The following IFNLR1 variants were observed in gnomAD, a reference collection of about 807,000 sequenced individuals.
IFNLR1 encodes the protein interferon lambda receptor 1, also known as CRF2-12.
In IFNLR1, 28 loss-of-function variants were observed where a neutral mutation model predicts 52.5. The ratio of observed to expected loss-of-function variants is 0.53; its 90% CI spans 0.40 to 0.73. The LOEUF is 0.73. IFNLR1 is among the 30% of genes least tolerant of loss of function. The pLI, the probability that IFNLR1 is intolerant of heterozygous loss-of-function variation, is 0.00. For missense variants in IFNLR1, 623 were observed against 659.1 expected (o/e 0.95, Z 0.60); for synonymous variants, 276 against 274.9 (o/e 1.00, Z -0.04).
At chr1:24,182,004 G>A (rs1011635259) in intron 1 of IFNLR1, among the ~76,000 whole-genome samples, 1 of 152,110 alleles carries the variant, frequency 6.6e-6, no homozygotes. Context: ...TTCAAGACCA[G>A]TCTTGGCCAA....
intron 2 of IFNLR1, among the ~76,000 whole-genome samples, chr1:24,174,385 G>A (rs1644611487): frequency 1.3e-5 from 2 of 152,194 alleles, no homozygotes; most frequent in African/African-American, 4.8e-5. Context: ...CTAAAAATGT[G>A]GAAGTGGCTT....
chr1:24,181,294 C>T (rs1644688469), intron 1 of IFNLR1, among the ~76,000 whole-genome samples: 1 of 152,226 alleles, frequency 6.6e-6, no homozygotes, highest in Non-Finnish European at 1.5e-5. Context: ...TTGCTTCCAA[C>T]CTTGTGTAAG....
intron 3 of IFNLR1, among the ~76,000 whole-genome samples, chr1:24,162,962 C>CTTT (rs754939969): frequency 0.29 from 25,271 of 88,670 alleles, 4,803 homozygotes; most frequent in East Asian, 0.58. Flanking sequence ...TTTCTTTCCT[C>CTTT]TTTTTTTTTT....
In IFNLR1 at chr1:24,157,909, G is replaced by C; in HGVS notation, c.802-18C>G. ...GAAAAGTCCTGATTTGGGTAGGGGA[G>C]AGAAAAGCAGAAAATTTAGGCTTTC... On this transcript the variant is annotated intron_variant, in intron 6 of 6. Coordinates refer to ENST00000327535, the MANE Select transcript of IFNLR1 (RefSeq NM_170743.4). The surrounding 1 kb of genome is among the most constrained non-coding windows in gnomAD (Gnocchi z 5.1). The C allele has an allele frequency of 1.3e-6, 2 of 1,527,738 alleles. No homozygotes were observed. The highest frequency in any genetic ancestry group is 1.8e-6 in the Non-Finnish European group (2 of 1,141,282). 94.6% of individuals were successfully genotyped at this position (1,527,738 alleles called of 1,614,324 possible).
chr1:24,168,665 T>C (rs1295346379), intron 3 of IFNLR1, among the ~76,000 whole-genome samples: 1 of 152,084 alleles, frequency 6.6e-6, no homozygotes, highest in Non-Finnish European at 1.5e-5. Context: ...TTTTTTTTTC[T>C]ATCATCTTTA....
In IFNLR1 at chr1:24,184,082, C is replaced by A. The variant is rs533556244; in HGVS notation, c.58+3109G>T. ...CCAAGGCCCTACCCAATCTGACCCA[C>A]CACTCCTCCCTTGCTCCCATATCTC... is the stretch of plus-strand genomic sequence containing the variant. On this transcript the variant is annotated intron_variant, in intron 1 of 6. Transcript: ENST00000327535. 2.0e-5 allele frequency among the ~76,000 whole-genome samples: 3 copies of A among 152,188 alleles called. No homozygotes were observed. In the East Asian group the frequency reaches 5.8e-4, roughly 29 times the overall value.
intron 6 of IFNLR1, 41 bp downstream of exon 6, chr1:24,159,011 A>G (rs1644410561): frequency 6.2e-7 from 1 of 1,601,858 alleles, no homozygotes; most frequent in East Asian, 2.2e-5. Flanking sequence ...CCTTACTCTC[A>G]ACCCCTCCCC....
At chr1:24,172,040 A>G (rs1409880664) in intron 2 of IFNLR1, among the ~76,000 whole-genome samples, 2 of 152,094 alleles carry the variant, frequency 1.3e-5, no homozygotes, top group Non-Finnish European at 2.9e-5. Flanking sequence ...TCTGGCCTCA[A>G]GCAATCCTCC....
At chr1:24,170,513 A>G (rs1280556694) in intron 2 of IFNLR1, among the ~76,000 whole-genome samples, 2 of 152,132 alleles carry the variant, frequency 1.3e-5, no homozygotes, top group Non-Finnish European at 2.9e-5. Flanking sequence ...GGCCAGCGTA[A>G]CCACACCTGG....
chr1:24,182,961 T>A (rs1047678210), intron 1 of IFNLR1, among the ~76,000 whole-genome samples: 33 of 146,832 alleles, frequency 2.2e-4, no homozygotes, highest in Non-Finnish European at 4.1e-4. Flanking sequence ...AAACACAACA[T>A]CTGTCATATA....
At chr1:24,159,262 C>T (rs1311099757) in intron 5 of IFNLR1, 80 bp from the exon 6 acceptor site, 3 of 1,518,472 alleles carry the variant, frequency 2.0e-6, no homozygotes, top group African/African-American at 1.4e-5. Context: ...GCTTCACATA[C>T]ATGACCCTAT....
intron 3 of IFNLR1, among the ~76,000 whole-genome samples, chr1:24,168,131 A>G (rs1343340747): frequency 6.9e-6 from 1 of 144,208 alleles, no homozygotes; most frequent in Non-Finnish European, 1.5e-5. Flanking sequence ...CTTCCATCCA[A>G]CCTCCTTCCT....
At chr1:24,159,733 T>TTTG (rs1644422093) in intron 4 of IFNLR1, 100 bp from the exon 5 acceptor site, 2 of 1,050,938 alleles carry the variant, frequency 1.9e-6, no homozygotes, top group Non-Finnish European at 2.7e-6. Flanking sequence ...GGTGTTTTTT[T>TTTG]TTTGTTTTTT....
chr1:24,160,197 C>T (rs1343253578), intron 4 of IFNLR1, among the ~76,000 whole-genome samples: 1 of 152,200 alleles, frequency 6.6e-6, no homozygotes, highest in African/African-American at 2.4e-5. Context: ...GGCTTTCCAT[C>T]TTGGGGTCTC....
At chr1:24,184,463 C>T (rs1213282901) in intron 1 of IFNLR1, among the ~76,000 whole-genome samples, 1 of 152,162 alleles carries the variant, frequency 6.6e-6, no homozygotes, top group Non-Finnish European at 1.5e-5. Context: ...GAGGCCCTGC[C>T]TGACGTGGCC....
intron 1 of IFNLR1, among the ~76,000 whole-genome samples, chr1:24,185,033 A>AAAT (rs146145657): frequency 1.4e-4 from 21 of 151,946 alleles, no homozygotes; most frequent in South Asian, 8.3e-4. Flanking sequence ...TAAATAAATA[A>AAAT]AATAATAATA....
intron 3 of IFNLR1, among the ~76,000 whole-genome samples, chr1:24,167,229 G>C (rs1426827669): frequency 1.3e-5 from 2 of 152,172 alleles, no homozygotes; most frequent in Admixed American, 6.5e-5. Flanking sequence ...GCCTCCGACT[G>C]GGGGTTACAC....
intron 4 of IFNLR1, among the ~76,000 whole-genome samples, chr1:24,161,136 C>T (rs1317011964): frequency 6.6e-5 from 10 of 152,316 alleles, no homozygotes; most frequent in African/African-American, 2.4e-4. Context: ...ACATACGGCC[C>T]ATGAAGCCAA....
At chr1:24,167,099 A>T (rs1281002299) in intron 3 of IFNLR1, among the ~76,000 whole-genome samples, 2 of 152,238 alleles carry the variant, frequency 1.3e-5, no homozygotes, top group Non-Finnish European at 2.9e-5. Context: ...GCACATTCAC[A>T]TTCTCTCTTC....
Sources: gnomAD v4.1 joint callset for allele counts (sites outside exome capture counted in the v4.1 genomes callset) on GRCh38, gnomAD v4.1.1 for gene constraint, Gnocchi (gnomAD v3.1) non-coding constraint, MANE v1.5 for transcripts, NCBI Gene and HGNC (gene_info 2026-07-23, HGNC 2026-07-21) for gene names.